ZC3H18: variants seen among roughly 807,000 people sequenced by gnomAD.
ZC3H18 encodes the protein zinc finger CCCH domain-containing protein 18.
In ZC3H18, 8 loss-of-function variants were observed where a neutral mutation model predicts 106.1. The ratio of observed to expected loss-of-function variants is 0.08; its 90% CI spans 0.04 to 0.14. ZC3H18 has a LOEUF of 0.14. Among genes scored for constraint, ZC3H18 ranks in the 10% least tolerant of loss-of-function variants. The pLI, the probability that ZC3H18 is intolerant of heterozygous loss-of-function variation, is 1.00. For synonymous variants in ZC3H18, 635 were observed against 522.1 expected (o/e 1.22, Z -2.95); for missense variants, 1,318 against 1,278.4 (o/e 1.03, Z -0.47).
chr16:88,604,967 G>A (rs1324854964), intron 6 of ZC3H18, among the ~76,000 whole-genome samples: 2 of 152,212 alleles, frequency 1.3e-5, no homozygotes, highest in Admixed American at 6.5e-5. Context: ...CAGTGCCGGT[G>A]TATTAGAGGC....
At chr16:88,630,602 G>T in intron 17 of ZC3H18, 21 bp downstream of exon 17, 1 of 1,585,598 alleles carries the variant, frequency 6.3e-7, no homozygotes, top group Non-Finnish European at 8.5e-7. Context: ...CCCAGCATGT[G>T]CCCTGGGCAC....
At position 88,630,764 on chromosome 16, in the gene ZC3H18, CCA is replaced by C. The variant is rs1335039545; in HGVS notation, c.2663+197_2663+198del. Among the ~76,000 whole-genome samples the C allele has an allele frequency of 1.6e-4, 18 of 110,838 alleles. 3 individuals carry two copies. The highest frequency in any genetic ancestry group is 8.7e-5 in the Admixed American group (1 of 11,510). 72.7% of individuals were successfully genotyped at this position (110,838 alleles called of 152,430 possible). ...TTGCAGCCCCACCCCCCACCCCCCC[CCA>C]CACACACACACACGCTCCTGCCCTG... On this transcript the variant is annotated intron_variant, in intron 17 of 17. Transcript: ENST00000301011.
intron 3 of ZC3H18, among the ~76,000 whole-genome samples, chr16:88,590,567 T>A (rs1212217883): frequency 1.5e-5 from 2 of 136,900 alleles, no homozygotes; most frequent in African/African-American, 5.4e-5. Flanking sequence ...TTTATTTCTT[T>A]TTTTTTTTTT....
Position 88,628,746 on chromosome 16 carries a change from C to T in ZC3H18, c.2470-12C>T, listed in dbSNP as rs773528737. Reference sequence around the variant, plus strand: ...GGCCCTGCTGTCCTCACTGGCCTCTCTCTTGTCCCAGGCGGCTGATAAAGG... The same window carrying T: ...GGCCCTGCTGTCCTCACTGGCCTCTTTCTTGTCCCAGGCGGCTGATAAAGG... On this transcript the variant is annotated splice_polypyrimidine_tract_variant and intron_variant, in intron 15 of 17. Coordinates refer to ENST00000301011, the MANE Select transcript of ZC3H18 (RefSeq NM_144604.4). The T allele has an allele frequency of 1.2e-6, 2 of 1,613,896 alleles. No homozygotes were observed. Among genetic ancestry groups the T allele is most frequent in the Admixed American group, 1.7e-5 (1 of 60,012 alleles).
At position 88,624,564 on chromosome 16, in the gene ZC3H18, C is replaced by T. The variant is rs377690257; in HGVS notation, c.1899-38C>T. On this transcript the variant is annotated intron_variant, in intron 11 of 17. Coordinates refer to ENST00000301011, the MANE Select transcript of ZC3H18 (RefSeq NM_144604.4). ...GGATGTAGGCCAGCGGGGCCCCGTCCACCAGCCCTGCCCTGCTCGAGCCTC... is the reference window on the plus strand; with the variant it reads ...GGATGTAGGCCAGCGGGGCCCCGTCTACCAGCCCTGCCCTGCTCGAGCCTC... 4.3e-6 allele frequency: 7 copies of T among 1,613,376 alleles called. No homozygotes were observed. In the South Asian group the frequency reaches 6.6e-5, roughly 15 times the overall value.
intron 8 of ZC3H18, among the ~76,000 whole-genome samples, chr16:88,621,221 T>C (rs1905936761): frequency 1.3e-5 from 2 of 148,162 alleles, no homozygotes; most frequent in African/African-American, 2.5e-5. Context: ...ATTTTTGTTT[T>C]TGTTTTTATT....
At chr16:88,592,998 C>G (rs9935713) in intron 3 of ZC3H18, among the ~76,000 whole-genome samples, 75,060 of 152,060 alleles carry the variant, frequency 0.49, 19,108 homozygotes, top group African/African-American at 0.6. Flanking sequence ...AAGCATATCC[C>G]TATGATAAAG....
At chr16:88,609,966 G>A (rs1188892856) in intron 7 of ZC3H18, among the ~76,000 whole-genome samples, 2 of 152,030 alleles carry the variant, frequency 1.3e-5, no homozygotes, top group Admixed American at 6.6e-5. Flanking sequence ...GGGTGCCTGC[G>A]TCTCCCTGCT....
At chr16:88,625,507 CTCAGG>C (rs1906248888) in intron 13 of ZC3H18, 1 of 551,146 alleles carries the variant, frequency 1.8e-6, no homozygotes, top group Non-Finnish European at 3.2e-6. Flanking sequence ...CTCGGGGGCA[CTCAGG>C]TCAGGAGGAG....
chr16:88,611,822 A>G (rs895667138), intron 8 of ZC3H18, among the ~76,000 whole-genome samples: 4 of 152,234 alleles, frequency 2.6e-5, no homozygotes, highest in African/African-American at 9.6e-5. Flanking sequence ...ACGTGCAAAC[A>G]TCGGTGTGTT....
intron 12 of ZC3H18, 146 bp downstream of exon 12, chr16:88,624,891 T>C: frequency 6.3e-6 from 8 of 1,260,708 alleles, no homozygotes; most frequent in Non-Finnish European, 8.5e-6. Context: ...AGTGAGCCCT[T>C]ACCCGGGAAC....
At chr16:88,629,915 G>A (rs572572123) in intron 16 of ZC3H18, among the ~76,000 whole-genome samples, 2 of 152,372 alleles carry the variant, frequency 1.3e-5, no homozygotes, top group South Asian at 4.1e-4. Flanking sequence ...CACAGGAAGA[G>A]GAAGCTGCTC....
intron 6 of ZC3H18, among the ~76,000 whole-genome samples, chr16:88,602,968 C>CTTTTTT (rs1029970086): frequency 6.9e-6 from 1 of 145,168 alleles, no homozygotes; most frequent in South Asian, 2.2e-4. Flanking sequence ...GTTGTTCCTT[C>CTTTTTT]TTTTTTTTTT....
chr16:88,606,436 A>C (rs1905014486), intron 6 of ZC3H18, among the ~76,000 whole-genome samples: 1 of 152,256 alleles, frequency 6.6e-6, no homozygotes, highest in Non-Finnish European at 1.5e-5. Flanking sequence ...AGCCTGCAGG[A>C]AAGAGGCCTT....
chr16:88,598,360 T>C (rs779640581), intron 4 of ZC3H18, 34 bp downstream of exon 4: 5 of 1,576,594 alleles, frequency 3.2e-6, no homozygotes, highest in Non-Finnish European at 4.3e-6. Context: ...TGTTAGCACA[T>C]CAGCCAACTG....
chr16:88,591,767 C>G (rs4782344), intron 3 of ZC3H18, among the ~76,000 whole-genome samples: 52,587 of 152,056 alleles, frequency 0.35, 9,506 homozygotes, highest in East Asian at 0.57. Context: ...AGTGGAGTTG[C>G]TGATGACCTG....
At chr16:88,601,048 C>T (rs1567587552) in intron 6 of ZC3H18, among the ~76,000 whole-genome samples, 1 of 152,234 alleles carries the variant, frequency 6.6e-6, no homozygotes, top group Non-Finnish European at 1.5e-5. Context: ...GTCGACTTGG[C>T]CCTGCAAGGC....
rs1441157212 is a variant in ZC3H18 at position 88,577,399 on chromosome 16, G to C, written c.276G>C (p.Pro92=). ...AGGTGAATGAGCTGAGCCGGGGCCC[G>C]ACCAGCTCCCCCTGCGAGGAGGAGG... The part of the protein sequence containing the change: ...DSEVNELSRG[P]TSSPCEEEGD... The change falls in exon 2 of 18, where the codon CCG becomes CCC. Residue 92 remains proline (P), a synonymous_variant. Transcript: ENST00000301011. 18 of 1,598,794 alleles carry C rather than the reference G, an allele frequency of 1.1e-5. No homozygotes were observed. The highest frequency in any genetic ancestry group is 3.4e-5 in the Admixed American group (2 of 58,794).
chr16:88,628,633 T>G, intron 15 of ZC3H18, 125 bp from the exon 16 acceptor site: 1 of 997,666 alleles, frequency 1.0e-6, no homozygotes, highest in Non-Finnish European at 1.5e-6. Context: ...CGGGGTCTCA[T>G]GGGTGTGTGG....
Sources: gnomAD v4.1 joint callset for allele counts (sites outside exome capture counted in the v4.1 genomes callset) on GRCh38, gnomAD v4.1.1 for gene constraint, MANE v1.5 for transcripts, NCBI Gene and HGNC (gene_info 2026-07-23, HGNC 2026-07-21) for gene names.